ITPRID1: variants seen among roughly 807,000 people sequenced by gnomAD.
ITPRID1 encodes the protein ITPR interacting domain containing 1.
Under a neutral mutation model 95.4 loss-of-function variants are expected in ITPRID1, and 96 were observed. The ratio of observed to expected loss-of-function variants is 1.01; its 90% CI spans 0.85 to 1.19. The LOEUF is 1.19. ITPRID1 is among the 50% of genes most tolerant of loss of function. The pLI, the probability that ITPRID1 is intolerant of heterozygous loss-of-function variation, is 0.00. For missense variants in ITPRID1, 1,339 were observed against 1,252.9 expected (o/e 1.07, Z -1.04); for synonymous variants, 510 against 453.6 (o/e 1.12, Z -1.58).
intron 10 of ITPRID1, among the ~76,000 whole-genome samples, chr7:31,598,409 T>TC (rs1786185697): frequency 7.0e-6 from 1 of 142,110 alleles, no homozygotes; most frequent in Non-Finnish European, 1.5e-5. Context: ...TTTTTTTTTT[T>TC]TTTTTTTTTT....
In ITPRID1 at chr7:31,651,932, C is replaced by A; in HGVS notation, c.2712-7C>A. ...AAATTTGGTTATTTTCTATTATTTA[C>A]TTGCAGGGAGGAGGCCGAGCAACTG... On this transcript the variant is annotated splice_region_variant and splice_polypyrimidine_tract_variant and intron_variant, in intron 13 of 14. Coordinates refer to ENST00000615280, the MANE Select transcript of ITPRID1 (RefSeq NM_001257967.3). 1 of 1,574,220 alleles carries A rather than the reference C, an allele frequency of 6.4e-7. No individual in the cohort carries two copies. The highest frequency in any genetic ancestry group is 8.6e-7 in the Non-Finnish European group (1 of 1,157,730).
At chr7:31,620,044 G>C (rs1002651925) in intron 10 of ITPRID1, among the ~76,000 whole-genome samples, 8 of 152,154 alleles carry the variant, frequency 5.3e-5, no homozygotes, top group Non-Finnish European at 7.4e-5. Flanking sequence ...AGGTGGCAGC[G>C]AGGCTGGGGG....
intron 10 of ITPRID1, among the ~76,000 whole-genome samples, chr7:31,636,524 T>C (rs1246636334): frequency 6.6e-6 from 1 of 152,122 alleles, no homozygotes; most frequent in African/African-American, 2.4e-5. Flanking sequence ...GGTTCGAAAG[T>C]CTGTCTTGTC....
intron 10 of ITPRID1, among the ~76,000 whole-genome samples, chr7:31,606,377 T>C (rs1446511379): frequency 6.6e-6 from 1 of 152,120 alleles, no homozygotes; most frequent in East Asian, 1.9e-4. Context: ...TCAGGGGCTG[T>C]ATTTATATCT....
At chr7:31,532,968 C>G (rs1006872212) in intron 1 of ITPRID1, among the ~76,000 whole-genome samples, 2 of 152,020 alleles carry the variant, frequency 1.3e-5, no homozygotes, top group African/African-American at 4.8e-5. Flanking sequence ...GAATACTGGT[C>G]TATAATTTGT....
In ITPRID1 at chr7:31,553,183, G is replaced by A; in HGVS notation, c.159G>A (p.Met53Ile). 6.4e-7 allele frequency: 1 copy of A among 1,574,602 alleles called. No homozygotes were observed. The change falls in exon 3 of 15, where the codon ATG becomes ATA. Residue 53 changes from methionine to isoleucine, a missense_variant. Met to Ile is a conservative substitution (Grantham distance 10, BLOSUM62 1). Transcript: ENST00000615280. ...AAAGCCAGAGTCTCACCATCCCCAT[G>A]CTGGGTGAGAAGGACTCTCAGGCCT... ...EEESQSLTIPMLEDSKQESIQ... is the reference protein window; with the variant it reads ...EEESQSLTIPILEDSKQESIQ...
rs1436301130 is a variant in ITPRID1, at chr7:31,553,076, A to C, written c.52A>C (p.Lys18Gln). 2.5e-6 allele frequency: 4 copies of C among 1,608,584 alleles called. No individual in the cohort carries two copies. Among genetic ancestry groups the C allele is most frequent in the Non-Finnish European group, 2.5e-6 (3 of 1,177,374 alleles). ...TGACAACCTTCAGGAAGGCCAGGAA[A>C]AGAGCAAGAGAGAGATCCTGAAGTG... is the stretch of plus-strand genomic sequence containing the variant. ...GSDNLQEGQE[K>Q]SKREILKCTK... Residue 18 changes from lysine (K) to glutamine (Q), a missense_variant, in exon 3 of 15, where the codon AAG becomes CAG. Coordinates refer to ENST00000615280, the MANE Select transcript of ITPRID1 (RefSeq NM_001257967.3).
chr7:31,637,443 A>G, intron 10 of ITPRID1, among the ~76,000 whole-genome samples: 2 of 152,058 alleles, frequency 1.3e-5, no homozygotes, highest in Non-Finnish European at 2.9e-5. Context: ...CTGGTGTGAG[A>G]TGGTATCTCA....
chr7:31,539,306 C>T (rs1237227884), intron 1 of ITPRID1, among the ~76,000 whole-genome samples: 2 of 152,022 alleles, frequency 1.3e-5, no homozygotes, highest in African/African-American at 4.8e-5. Flanking sequence ...CACCACAGCC[C>T]CCCAAGTAGC....
At chr7:31,536,532 A>G (rs1286515253) in intron 1 of ITPRID1, among the ~76,000 whole-genome samples, 1 of 152,080 alleles carries the variant, frequency 6.6e-6, no homozygotes, top group Non-Finnish European at 1.5e-5. Flanking sequence ...TCTGTTTCCT[A>G]TAATTTCTTA....
intron 5 of ITPRID1, among the ~76,000 whole-genome samples, chr7:31,557,052 C>T (rs1017207936): frequency 1.3e-5 from 2 of 151,782 alleles, no homozygotes; most frequent in African/African-American, 4.8e-5. Context: ...GGCTTCTTCT[C>T]CTTGTGAGTC....
At chr7:31,547,056 G>A (rs1486970633) in intron 1 of ITPRID1, among the ~76,000 whole-genome samples, 5 of 150,986 alleles carry the variant, frequency 3.3e-5, no homozygotes, top group African/African-American at 7.3e-5. Context: ...TGTGGTGAAC[G>A]ACATCAAATG....
At chr7:31,618,362 C>T (rs1276761009) in intron 10 of ITPRID1, among the ~76,000 whole-genome samples, 1 of 150,254 alleles carries the variant, frequency 6.7e-6, no homozygotes, top group Non-Finnish European at 1.5e-5. Context: ...GGTTCCTCCC[C>T]TGTCCTTTCC....
rs1349080159 is a variant in ITPRID1 at position 31,652,790 on chromosome 7, T to C, written c.3096T>C (p.Asn1032=). 2 of 1,613,638 alleles carry C rather than the reference T, an allele frequency of 1.2e-6. No homozygotes were observed. The highest frequency in any genetic ancestry group is 1.3e-5 in the African/African-American group (1 of 75,026). ...AGTTAGGTCCAACCCCTTTGTCAAA[T>C]TGTCCTGTTGGAGAAAAGGATGCAG... ...WAKLGPTPLS[N]CPVGEKDADV... Residue 1032 remains asparagine, a synonymous_variant, in exon 15 of 15, where the codon AAT becomes AAC. Coordinates refer to ENST00000615280, the MANE Select transcript of ITPRID1 (RefSeq NM_001257967.3).
At chr7:31,592,309 A>C (rs1183077498) in intron 10 of ITPRID1, among the ~76,000 whole-genome samples, 2 of 152,200 alleles carry the variant, frequency 1.3e-5, no homozygotes, top group Non-Finnish European at 2.9e-5. Context: ...CAAATTACTC[A>C]ATCTCTATGC....
intron 10 of ITPRID1, among the ~76,000 whole-genome samples, chr7:31,632,613 C>G (rs1367720523): frequency 6.6e-6 from 1 of 152,144 alleles, no homozygotes; most frequent in African/African-American, 2.4e-5. Flanking sequence ...TAACCCAACA[C>G]TGGGAACACA....
At position 31,553,024 on chromosome 7, in the gene ITPRID1, T is replaced by C. The variant is rs1435565147; in HGVS notation, c.-1T>C. On this transcript the variant is annotated 5_prime_UTR_variant, in exon 3 of 15. Transcript: ENST00000615280. ...AAGTTAGTTTGCAGAATTACTCTCC[T>C]ATGATGGCACAGAAATCACAAGGAT... is the stretch of plus-strand genomic sequence containing the variant. 6.2e-7 allele frequency: 1 copy of C among 1,608,452 alleles called. No homozygotes were observed. The highest frequency in any genetic ancestry group is 1.7e-5 in the Admixed American group (1 of 59,312).
intron 10 of ITPRID1, among the ~76,000 whole-genome samples, 187 bp from the exon 11 acceptor site, chr7:31,641,989 A>C (rs1790058873): frequency 6.6e-6 from 1 of 152,112 alleles, no homozygotes. Flanking sequence ...CCAGTGATGC[A>C]ATTTTAACTG....
At chr7:31,652,408 C>A in intron 14 of ITPRID1, 110 bp from the exon 15 acceptor site, 7 of 1,446,746 alleles carry the variant, frequency 4.8e-6, no homozygotes, top group Non-Finnish European at 6.4e-6. Flanking sequence ...CTCAAAGAGC[C>A]CATTCTAGAG....
Sources: gnomAD v4.1 joint callset for allele counts (sites outside exome capture counted in the v4.1 genomes callset) on GRCh38, gnomAD v4.1.1 for gene constraint, MANE v1.5 for transcripts, NCBI Gene and HGNC (gene_info 2026-07-23, HGNC 2026-07-21) for gene names.